The following SHISA9 variants were observed in gnomAD, a reference collection of about 807,000 sequenced individuals.
SHISA9 encodes protein shisa-9.
A neutral mutation model predicts 38.0 loss-of-function variants in SHISA9; 13 were observed. That is an observed-to-expected ratio of 0.34 (90% confidence interval 0.22 to 0.54). The LOEUF (loss-of-function observed/expected upper bound fraction) is 0.54. Among genes scored for constraint, SHISA9 ranks in the 20% least tolerant of loss-of-function variants. SHISA9 has a pLI of 0.91. For missense variants in SHISA9, 538 were observed against 575.8 expected, an observed-to-expected ratio of 0.93 and a Z score of 0.67; for synonymous variants, 275 against 242.0, an observed-to-expected ratio of 1.14 and a Z score of -1.27.
At chr16:13,068,668 T>C (rs1207295555) in intron 2 of SHISA9, among the ~76,000 whole-genome samples, 1 of 152,218 alleles carries the variant, frequency 6.6e-6, no homozygotes, top group Non-Finnish European at 1.5e-5. Context: ...GCTGGGCCAT[T>C]AAGAAGCCTA....
the SHISA9 span, among the ~76,000 whole-genome samples, chr16:13,300,428 G>A: frequency 6.6e-6 from 1 of 152,030 alleles, no homozygotes; most frequent in Admixed American, 6.5e-5. Flanking sequence ...TCGGAGAGGT[G>A]CATATTCCTG....
intron 4 of SHISA9, among the ~76,000 whole-genome samples, chr16:13,228,261 A>G (rs1490155220): frequency 6.6e-6 from 1 of 152,152 alleles, no homozygotes; most frequent in African/African-American, 2.4e-5. Context: ...TACCAGATTC[A>G]CCAAGCAACC....
At chr16:13,015,978 T>TCCCCTCCCCTCCCCTCCTCTC (rs143274430) in intron 2 of SHISA9, among the ~76,000 whole-genome samples, 1 of 49,052 alleles carries the variant, frequency 2.0e-5, no homozygotes, top group Non-Finnish European at 4.5e-5. Context: ...TCCCTTCCCT[T>TCCCCTCCCCTCCCCTCCTCTC]CCCTTCCCTT....
At chr16:13,408,793 A>C in the SHISA9 span, among the ~76,000 whole-genome samples, 1 of 152,190 alleles carries the variant, frequency 6.6e-6, no homozygotes, top group African/African-American at 2.4e-5. Context: ...TGCTGTTGAT[A>C]TCAAGATACC....
the SHISA9 span, among the ~76,000 whole-genome samples, chr16:13,418,882 C>T: frequency 1.3e-4 from 20 of 152,234 alleles, no homozygotes; most frequent in African/African-American, 4.8e-4. Flanking sequence ...AGGACAAGAA[C>T]AGCACATTGC....
chr16:12,949,486 A>AATG (rs985473411), intron 2 of SHISA9, among the ~76,000 whole-genome samples: 1 of 152,230 alleles, frequency 6.6e-6, no homozygotes, highest in African/African-American at 2.4e-5. Flanking sequence ...GCCTTTCCAA[A>AATG]ATGTCAGCCC....
chr16:13,532,563 G>GTGTGTT, the SHISA9 span, among the ~76,000 whole-genome samples: 1 of 151,682 alleles, frequency 6.6e-6, no homozygotes, highest in East Asian at 1.9e-4. Flanking sequence ...GTGTATGTGT[G>GTGTGTT]TGTGTGTGTG....
the SHISA9 span, among the ~76,000 whole-genome samples, chr16:13,534,249 G>A: frequency 1.5e-5 from 2 of 136,584 alleles, no homozygotes; most frequent in Admixed American, 7.5e-5. Flanking sequence ...TTTTGTGACA[G>A]AGTTTTGCTC....
chr16:13,280,103 T>C, the SHISA9 span, among the ~76,000 whole-genome samples: 1 of 146,880 alleles, frequency 6.8e-6, no homozygotes, highest in Non-Finnish European at 1.5e-5. Flanking sequence ...AATTTGTATC[T>C]TCTCTCTCTT....
intron 2 of SHISA9, among the ~76,000 whole-genome samples, chr16:12,936,723 G>T (rs1267015656): frequency 6.6e-6 from 1 of 152,160 alleles, no homozygotes; most frequent in Non-Finnish European, 1.5e-5. Context: ...AGCCATCATG[G>T]GTAATTTTGG....
At chr16:12,909,701 G>C in intron 1 of SHISA9, 1 of 553,028 alleles carries the variant, frequency 1.8e-6, no homozygotes, top group Non-Finnish European at 2.3e-6. Context: ...TCCCACCCCA[G>C]CCTGACACAC....
rs1431499427 is a variant in SHISA9, at chr16:12,970,433, A to G, written c.691+53618A>G. 1.7e-4 allele frequency among the ~76,000 whole-genome samples: 11 copies of G among 64,786 alleles called. 2 individuals are homozygous for G. The highest frequency in any genetic ancestry group is 9.1e-4 in the East Asian group (3 of 3,294). 42.5% of individuals were successfully genotyped at this position (64,786 alleles called of 152,430 possible). The stretch of plus-strand genomic sequence containing the variant: ...TATATATATACACATATATGTATAT[A>G]TATATACACACATATATATATACAT... On this transcript the variant is annotated intron_variant, in intron 2 of 4. Coordinates refer to ENST00000558583, the MANE Select transcript of SHISA9 (RefSeq NM_001145204.3).
At chr16:13,205,945 T>A (rs889176708) in intron 3 of SHISA9, among the ~76,000 whole-genome samples, 6 of 151,346 alleles carry the variant, frequency 4.0e-5, no homozygotes, top group Non-Finnish European at 7.4e-5. Flanking sequence ...TTTTTTTTTT[T>A]AAGTAGAGAT....
the SHISA9 span, among the ~76,000 whole-genome samples, chr16:13,372,089 G>T: frequency 2.0e-5 from 3 of 152,236 alleles, no homozygotes; most frequent in South Asian, 6.2e-4. Context: ...ATATCTGCCC[G>T]CGGATTGATA....
intron 2 of SHISA9, among the ~76,000 whole-genome samples, chr16:12,985,360 T>G (rs2072294782): frequency 6.6e-6 from 1 of 152,188 alleles, no homozygotes. Flanking sequence ...TGTTACCACT[T>G]ATTTCTGGTG....
chr16:13,166,374 T>C (rs1311453552), intron 2 of SHISA9, among the ~76,000 whole-genome samples: 1 of 152,212 alleles, frequency 6.6e-6, no homozygotes, highest in East Asian at 1.9e-4. Context: ...CAGTTCATGT[T>C]ACTCACCACT....
chr16:13,413,757 CAAAAAAAAAAAAA>C, the SHISA9 span, among the ~76,000 whole-genome samples: 7 of 52,894 alleles, frequency 1.3e-4, 1 homozygote, highest in East Asian at 7.4e-4. Context: ...GACTTCATCT[CAAAAAAAAAAAAA>C]AAAAAAAAAA....
intron 1 of SHISA9, among the ~76,000 whole-genome samples, chr16:12,913,859 G>T (rs1419121773): frequency 3.3e-5 from 5 of 151,866 alleles, no homozygotes; most frequent in Non-Finnish European, 7.4e-5. Context: ...TCTTTGTACG[G>T]CTGGAGAATA....
At chr16:12,964,739 A>G (rs972386300) in intron 2 of SHISA9, among the ~76,000 whole-genome samples, 7 of 152,152 alleles carry the variant, frequency 4.6e-5, no homozygotes, top group Admixed American at 2.6e-4. Flanking sequence ...GAATGTAGGG[A>G]ATTCCTAGCT....
Sources: gnomAD v4.1 joint callset for allele counts (sites outside exome capture counted in the v4.1 genomes callset) on GRCh38, gnomAD v4.1.1 for gene constraint, MANE v1.5 for transcripts, NCBI Gene and HGNC (gene_info 2026-07-23, HGNC 2026-07-21) for gene names.